The following NRG3 variants were observed in gnomAD, a reference collection of about 807,000 sequenced individuals.
NRG3 encodes pro-neuregulin-3, membrane-bound isoform.
A neutral mutation model predicts 66.9 loss-of-function variants in NRG3; 31 were observed. The ratio of observed to expected loss-of-function variants is 0.46; its 90% confidence interval spans 0.35 to 0.63. The LOEUF (loss-of-function observed/expected upper bound fraction) is 0.63. Among genes scored for constraint, NRG3 ranks in the 20% least tolerant of loss-of-function variants. The pLI, the probability that NRG3 is intolerant of heterozygous loss-of-function variation, is 0.00. For synonymous variants in NRG3, 393 were observed against 359.4 expected (o/e 1.09, Z -1.06); for missense variants, 910 against 878.9 (o/e 1.04, Z -0.45).
intron 1 of NRG3, among the ~76,000 whole-genome samples, chr10:82,165,500 A>G (rs1288213537): frequency 1.3e-5 from 2 of 152,066 alleles, no homozygotes; most frequent in African/African-American, 4.8e-5. Context: ...AATATTTTTC[A>G]TACTTTTCAT....
intron 1 of NRG3, among the ~76,000 whole-genome samples, chr10:82,288,988 A>G (rs759434941): frequency 6.6e-6 from 1 of 152,174 alleles, no homozygotes; most frequent in Admixed American, 6.5e-5. Context: ...AATGATTTGT[A>G]AGCACCTGTA....
chr10:81,946,474 T>C (rs1425955274), intron 1 of NRG3, among the ~76,000 whole-genome samples: 5 of 152,174 alleles, frequency 3.3e-5, no homozygotes, highest in Admixed American at 2.0e-4. Flanking sequence ...TGTATGTTTA[T>C]ATTAATTGCC....
chr10:82,895,692 G>A (rs553050260), intron 4 of NRG3, among the ~76,000 whole-genome samples: 63 of 152,116 alleles, frequency 4.1e-4, no homozygotes, highest in Admixed American at 1.7e-3. Context: ...GTGTTTCACC[G>A]TGTTAGCCAG....
intron 1 of NRG3, among the ~76,000 whole-genome samples, chr10:82,147,187 T>C (rs762197881): frequency 1.3e-5 from 2 of 152,172 alleles, no homozygotes; most frequent in Non-Finnish European, 2.9e-5. Flanking sequence ...ATACTGACCA[T>C]TCTCTCATTT....
intron 1 of NRG3, among the ~76,000 whole-genome samples, chr10:81,991,783 T>A (rs1344836254): frequency 6.6e-6 from 1 of 152,298 alleles, no homozygotes; most frequent in Non-Finnish European, 1.5e-5. Context: ...GTATACATTT[T>A]GCTATTACTT....
intron 1 of NRG3, among the ~76,000 whole-genome samples, chr10:82,240,459 A>G (rs1288334833): frequency 6.6e-6 from 1 of 152,222 alleles, no homozygotes; most frequent in Non-Finnish European, 1.5e-5. Context: ...AGAATTTTGG[A>G]AGAATGGAAT....
At chr10:82,310,659 T>C (rs2080972258) in intron 1 of NRG3, among the ~76,000 whole-genome samples, 1 of 152,202 alleles carries the variant, frequency 6.6e-6, no homozygotes, top group Non-Finnish European at 1.5e-5. Context: ...AATCATTTTT[T>C]TTTCATTGCG....
chr10:82,805,493 CA>C (rs2061239857), intron 3 of NRG3, among the ~76,000 whole-genome samples: 1 of 152,088 alleles, frequency 6.6e-6, no homozygotes, highest in Admixed American at 6.6e-5. Flanking sequence ...TCCCCTTTGT[CA>C]GCTTTGCAAA....
intron 1 of NRG3, among the ~76,000 whole-genome samples, chr10:81,981,648 C>T (rs1252661374): frequency 1.3e-5 from 2 of 152,230 alleles, no homozygotes; most frequent in African/African-American, 2.4e-5. Context: ...GGCTTTCCAT[C>T]CTCCCACCAG....
intron 1 of NRG3, among the ~76,000 whole-genome samples, chr10:82,171,014 C>A (rs772659017): frequency 3.3e-5 from 5 of 151,710 alleles, no homozygotes; most frequent in Non-Finnish European, 7.4e-5. Context: ...GAGCTGAAGA[C>A]ATTAATATTG....
intron 1 of NRG3, among the ~76,000 whole-genome samples, chr10:82,034,317 G>C: frequency 7.0e-6 from 1 of 142,772 alleles, no homozygotes; most frequent in East Asian, 2.0e-4. Context: ...CCTTATTTCA[G>C]ATGATTCTTG....
chr10:82,780,483 T>TTC (rs1555036678), intron 3 of NRG3, among the ~76,000 whole-genome samples: 1 of 148,832 alleles, frequency 6.7e-6, no homozygotes, highest in Non-Finnish European at 1.5e-5. Context: ...TTCTTTTCTT[T>TTC]TTTTTTTTTT....
intron 1 of NRG3, among the ~76,000 whole-genome samples, chr10:82,050,712 C>T: frequency 6.6e-6 from 1 of 151,920 alleles, no homozygotes; most frequent in African/African-American, 2.4e-5. Flanking sequence ...AGGCTGCCAA[C>T]CAGGTACCAC....
rs113861249 is a variant in NRG3 at position 82,436,575 on chromosome 10, A to G, written c.953+77707A>G. On this transcript the variant is annotated intron_variant, in intron 2 of 8. Coordinates refer to ENST00000372141, the MANE Select transcript of NRG3 (RefSeq NM_001010848.4). ...TGTTATGTGTGAATTTGATCCTGTCATCATGCTGCTATTTGGTTATTTTGC... is the reference window on the plus strand; with the variant it reads ...TGTTATGTGTGAATTTGATCCTGTCGTCATGCTGCTATTTGGTTATTTTGC... Among the ~76,000 whole-genome samples, 292 of 152,310 alleles carry G rather than the reference A, an allele frequency of 1.9e-3. 1 individual carries two copies. Among genetic ancestry groups the G allele is most frequent in the African/African-American group, 6.8e-3 (284 of 41,576 alleles).
At chr10:82,670,661 C>T (rs2053196213) in intron 2 of NRG3, among the ~76,000 whole-genome samples, 1 of 152,068 alleles carries the variant, frequency 6.6e-6, no homozygotes, top group Admixed American at 6.6e-5. Flanking sequence ...CTTCAGGACT[C>T]ACAAAACAGG....
At chr10:82,500,076 G>T (rs994664108) in intron 2 of NRG3, among the ~76,000 whole-genome samples, 3 of 152,192 alleles carry the variant, frequency 2.0e-5, no homozygotes, top group Admixed American at 2.0e-4. Context: ...AAATAAGGCA[G>T]CCATCAGAGC....
chr10:82,743,827 C>A (rs2058532458), intron 3 of NRG3, among the ~76,000 whole-genome samples: 1 of 152,116 alleles, frequency 6.6e-6, no homozygotes. Context: ...AGAAAGTTTT[C>A]CCCCAAAAGA....
chr10:82,769,083 G>T (rs1478651350), intron 3 of NRG3, among the ~76,000 whole-genome samples: 1 of 151,978 alleles, frequency 6.6e-6, no homozygotes, highest in East Asian at 1.9e-4. Flanking sequence ...GCTCCAAATT[G>T]TACTAGATTA....
intron 2 of NRG3, among the ~76,000 whole-genome samples, chr10:82,533,971 C>T (rs1847561491): frequency 6.6e-6 from 1 of 152,074 alleles, no homozygotes; most frequent in African/African-American, 2.4e-5. Context: ...TAACAACAAA[C>T]TATCTGAAAA....
Sources: allele counts gnomAD v4.1 joint callset (sites outside exome capture counted in the v4.1 genomes callset), GRCh38; gene constraint gnomAD v4.1.1; transcripts MANE v1.5; gene names NCBI Gene and HGNC (gene_info 2026-07-23, HGNC 2026-07-21).